The following ABCC4 variants were observed in gnomAD, a reference collection of about 807,000 sequenced individuals.
ABCC4 encodes the protein ATP-binding cassette sub-family C member 4.
A neutral mutation model predicts 168.5 loss-of-function variants in ABCC4; 102 were observed. That is an observed-to-expected ratio of 0.61 (90% confidence interval 0.52 to 0.71). The LOEUF is 0.71. Ranked by LOEUF, ABCC4 falls within the 30% of genes least tolerant of loss-of-function variation. The probability of loss-of-function intolerance (pLI) is 0.00; values close to 1 mark genes in which losing one functional copy is unlikely to be tolerated. For synonymous variants in ABCC4, 617 were observed against 590.7 expected, an observed-to-expected ratio of 1.04 and a Z score of -0.65; for missense variants, 1,402 against 1,605.8, an observed-to-expected ratio of 0.87 and a Z score of 2.17.
At chr13:95,273,831 T>TA (rs2040904679) in intron 1 of ABCC4, among the ~76,000 whole-genome samples, 1 of 150,768 alleles carries the variant, frequency 6.6e-6, no homozygotes. Flanking sequence ...TTTTTTTTTT[T>TA]TTTTGAGACG....
intron 21 of ABCC4, among the ~76,000 whole-genome samples, chr13:95,076,952 G>C (rs897619415): frequency 6.6e-6 from 1 of 152,028 alleles, no homozygotes; most frequent in East Asian, 1.9e-4. Flanking sequence ...TAGAGATGAG[G>C]GTCCTCCTCC....
chr13:95,024,621 G>C (rs1482479841), intron 30 of ABCC4, among the ~76,000 whole-genome samples: 1 of 152,138 alleles, frequency 6.6e-6, no homozygotes, highest in Non-Finnish European at 1.5e-5. Context: ...TCAAGACCCT[G>C]TCAGTTCATT....
At chr13:95,181,733 G>A (rs1305050660) in intron 11 of ABCC4, among the ~76,000 whole-genome samples, 1 of 152,152 alleles carries the variant, frequency 6.6e-6, no homozygotes, top group Admixed American at 6.5e-5. Context: ...GCACGTAACT[G>A]GACTGAGGAC....
rs551196548 is a variant in ABCC4, at chr13:95,134,201, A to G, written c.2456-18200T>C. Among the ~76,000 whole-genome samples the G allele has an allele frequency of 2.6e-4, 40 of 152,282 alleles. 1 individual carries two copies. In the South Asian group the frequency reaches 2.7e-3, roughly 10 times the overall value. On this transcript the variant is annotated intron_variant, in intron 19 of 30. Transcript: ENST00000645237. ...CTGAGAACCGAAGGCCAAAAGGAGGAGGGGGAAATGCCAAAAAATATATAT... is the reference window on the plus strand; with the variant it reads ...CTGAGAACCGAAGGCCAAAAGGAGGGGGGGGAAATGCCAAAAAATATATAT...
At chr13:95,053,243 T>C in intron 26 of ABCC4, 59 bp from the exon 27 acceptor site, 3 of 1,277,174 alleles carry the variant, frequency 2.3e-6, no homozygotes, top group Middle Eastern at 3.7e-4. Context: ...TTTATTCCAA[T>C]GCTAACATCA....
chr13:95,164,720 A>AT (rs138970924), intron 15 of ABCC4, among the ~76,000 whole-genome samples: 3,300 of 152,008 alleles, frequency 0.022, 67 homozygotes, highest in Middle Eastern at 0.054. Flanking sequence ...TTGACTCAGA[A>AT]TTTTGCTCAT....
At chr13:95,280,035 C>A (rs1271522678) in intron 1 of ABCC4, among the ~76,000 whole-genome samples, 1 of 152,174 alleles carries the variant, frequency 6.6e-6, no homozygotes, top group Non-Finnish European at 1.5e-5. Flanking sequence ...AGAACCCACA[C>A]AACAGCTTTG....
At chr13:95,290,117 T>C (rs9524890) in intron 1 of ABCC4, among the ~76,000 whole-genome samples, 66 of 61,206 alleles carry the variant, frequency 1.1e-3, no homozygotes, top group Middle Eastern at 0.01. Flanking sequence ...GATAGATAGA[T>C]AGATAGATAG....
At chr13:95,239,820 C>G (rs1436475492) in intron 3 of ABCC4, among the ~76,000 whole-genome samples, 1 of 152,150 alleles carries the variant, frequency 6.6e-6, no homozygotes, top group South Asian at 2.1e-4. Context: ...TGTACTGTAA[C>G]TCAGAGTATC....
intron 3 of ABCC4, among the ~76,000 whole-genome samples, chr13:95,242,586 A>C (rs2039978705): frequency 6.6e-6 from 1 of 152,124 alleles, no homozygotes; most frequent in Non-Finnish European, 1.5e-5. Flanking sequence ...GCAGTGGTGC[A>C]ATCATAGCTC....
At position 95,064,254 on chromosome 13, in the gene ABCC4, GTGTGTGTATATATATATATATATA is replaced by G. The variant is rs1194210306; in HGVS notation, c.3211-1419_3211-1396del. On this transcript the variant is annotated intron_variant, in intron 25 of 30. Transcript: ENST00000645237. ...CACATAGGTACATCCGGGTGTGTGT[GTGTGTGTATATATATATATATATA>G]TATATATATATATATATATACACAC... Among the ~76,000 whole-genome samples, 38 of 23,690 alleles carry G rather than the reference GTGTGTGTATATATATATATATATA, an allele frequency of 1.6e-3. No individual in the cohort carries two copies. In the East Asian group the frequency reaches 0.032, roughly 20 times the overall value. 15.5% of individuals were successfully genotyped at this position (23,690 alleles called of 152,430 possible).
rs576121721 is a variant in ABCC4, at chr13:95,240,737, G to T, written c.307-5903C>A. ...AAAGATCCCAGCATTTTGGGAGGCC[G>T]AGGCAGACGAATCACTTGAGGTCAG... On this transcript the variant is annotated intron_variant, in intron 3 of 30. Coordinates refer to ENST00000645237, the MANE Select transcript of ABCC4 (RefSeq NM_005845.5). Among the ~76,000 whole-genome samples the T allele has an allele frequency of 3.3e-5, 5 of 151,958 alleles. No individual in the cohort carries two copies. In the East Asian group the frequency reaches 9.7e-4, roughly 29 times the overall value.
At chr13:95,139,476 G>A (rs2036245915) in intron 19 of ABCC4, among the ~76,000 whole-genome samples, 2 of 152,204 alleles carry the variant, frequency 1.3e-5, no homozygotes, top group Non-Finnish European at 2.9e-5. Flanking sequence ...GGCAAGCTGT[G>A]TAGGGGGTGA....
intron 1 of ABCC4, 60 bp downstream of exon 1, chr13:95,301,181 G>A: frequency 2.7e-6 from 4 of 1,498,592 alleles, no homozygotes; most frequent in South Asian, 1.2e-5. Flanking sequence ...GCGGCCCCGG[G>A]AGAGTGCGTC....
intron 1 of ABCC4, among the ~76,000 whole-genome samples, chr13:95,287,792 C>G (rs2041296655): frequency 6.6e-6 from 1 of 151,414 alleles, no homozygotes; most frequent in Non-Finnish European, 1.5e-5. Context: ...CCTGTAATCT[C>G]AGCACTTTGG....
At chr13:95,198,932 G>A (rs2038539792) in intron 8 of ABCC4, among the ~76,000 whole-genome samples, 2 of 152,104 alleles carry the variant, frequency 1.3e-5, no homozygotes, top group East Asian at 1.9e-4. Context: ...CACAGGAAGG[G>A]GAACATCACA....
At chr13:95,043,041 A>G (rs1461105984) in intron 29 of ABCC4, among the ~76,000 whole-genome samples, 1 of 152,178 alleles carries the variant, frequency 6.6e-6, no homozygotes, top group East Asian at 1.9e-4. Flanking sequence ...AAGTGCTGAG[A>G]TTACAGGCAT....
At chr13:95,124,773 C>T (rs1350219602) in intron 19 of ABCC4, among the ~76,000 whole-genome samples, 2 of 145,752 alleles carry the variant, frequency 1.4e-5, no homozygotes, top group South Asian at 2.2e-4. Flanking sequence ...CCCGGCTACT[C>T]GTGAGGCTGA....
chr13:95,023,246 A>C (rs2139190761), intron 30 of ABCC4, among the ~76,000 whole-genome samples: 1 of 152,318 alleles, frequency 6.6e-6, no homozygotes, highest in East Asian at 1.9e-4. Context: ...AAGTGTTGTT[A>C]TTAGCAACTT....
Sources: allele counts gnomAD v4.1 joint callset (sites outside exome capture counted in the v4.1 genomes callset), GRCh38; gene constraint gnomAD v4.1.1; transcripts MANE v1.5; gene names NCBI Gene and HGNC (gene_info 2026-07-23, HGNC 2026-07-21).